Variants in ANK2 observed in about 807,000 individuals in gnomAD.
ANK2 encodes the protein ankyrin 2.
Under a neutral mutation model 360.5 loss-of-function variants are expected in ANK2, and 83 were observed. That is an observed-to-expected ratio of 0.23 (90% CI 0.19 to 0.28). The LOEUF (loss-of-function observed/expected upper bound fraction) is 0.28. Among genes scored for constraint, ANK2 ranks in the 10% least tolerant of loss-of-function variants. ANK2 has a pLI of 1.00. For synonymous variants in ANK2, 1,740 were observed against 1,759.5 expected (o/e 0.99, Z 0.28); for missense variants, 4,201 against 4,795.7 (o/e 0.88, Z 3.66).
chr4:113,289,999 C>T (rs79523447), intron 20 of ANK2, among the ~76,000 whole-genome samples: 2 of 152,082 alleles, frequency 1.3e-5, no homozygotes, highest in Non-Finnish European at 2.9e-5. Context: ...GTTGGCAGGG[C>T]TTGAAAATGC....
Position 113,287,613 on chromosome 4 carries a change from C to T in ANK2, c.2088C>T (p.Leu696=). 2 of 1,609,288 alleles carry T rather than the reference C, an allele frequency of 1.2e-6. No individual in the cohort carries two copies. The highest frequency in any genetic ancestry group is 8.5e-7 in the Non-Finnish European group (1 of 1,175,740). Residue 696 remains leucine, a synonymous_variant, in exon 19 of 46, where the codon CTC becomes CTT. Transcript: ENST00000357077. ...ANIHMSTKSG[L]TSLHLAAQED... is the part of the protein sequence containing the mutation. ...TTCCATTCTTTCTGTAGAGTGGACT[C>T]ACATCCTTACACCTTGCAGCCCAGG... is the stretch of plus-strand genomic sequence containing the variant.
upstream of ANK2, among the ~76,000 whole-genome samples, chr4:113,048,476 C>T (rs1257011995): frequency 1.4e-5 from 2 of 145,090 alleles, no homozygotes; most frequent in African/African-American, 2.5e-5. Context: ...GGTTTCATCA[C>T]GTTGGCCAGG....
At chr4:113,246,374 C>A (rs1479405384) in intron 9 of ANK2, among the ~76,000 whole-genome samples, 1 of 152,108 alleles carries the variant, frequency 6.6e-6, no homozygotes. Context: ...GAGGCATTTT[C>A]CATCTTGTTG....
Position 113,330,304 on chromosome 4 carries a change from A to G in ANK2, c.2959A>G (p.Asn987Asp). The G allele has an allele frequency of 6.2e-7, 1 of 1,614,234 alleles. No homozygotes were observed. Among genetic ancestry groups the G allele is most frequent in the Non-Finnish European group, 8.5e-7 (1 of 1,180,038 alleles). ...TGGTGCTATGCGAGGATGCAGACAC[A>G]ATGGGCTCCGAATCATTATTCCACC... ...RGGAMRGCRH[N>D]GLRIIIPPRK... The change falls in exon 27 of 46, where the codon AAT becomes GAT. Residue 987 changes from asparagine to aspartate, a missense_variant. Physicochemically the swap from Asn to Asp is conservative, Grantham distance 23. Transcript: ENST00000357077.
chr4:113,312,278 A>AG (rs2080430080), intron 24 of ANK2, among the ~76,000 whole-genome samples: 1 of 150,052 alleles, frequency 6.7e-6, no homozygotes, highest in East Asian at 2.0e-4. Flanking sequence ...CTCTTGAGAC[A>AG]GAAAAAAAAA....
At chr4:112,911,270 G>C (rs2087233776) in intron 2 of ANK2, among the ~76,000 whole-genome samples, 1 of 150,428 alleles carries the variant, frequency 6.6e-6, no homozygotes, top group Admixed American at 6.6e-5. Flanking sequence ...CACTTTGGGA[G>C]GCCGAGGCGG....
chr4:112,854,867 A>G (rs574127610), intron 1 of ANK2, among the ~76,000 whole-genome samples: 3 of 152,102 alleles, frequency 2.0e-5, no homozygotes, highest in Non-Finnish European at 4.4e-5. Context: ...GGAGGAATGG[A>G]GTAGAATGGG....
Position 112,861,870 on chromosome 4 carries a change from ACT to A in ANK2, c.-39-42581_-39-42580del, listed in dbSNP as rs932660176. On this transcript the variant is annotated intron_variant, in intron 1 of 30. Coordinates refer to the ANK2 transcript ENST00000503271. ...GAGAGAGAGAGAGAGAGAGAGAGAA[ACT>A]CTCACAGTTTATGCGAGAGTCACAG... Among the ~76,000 whole-genome samples the A allele has an allele frequency of 1.8e-4, 28 of 151,886 alleles. 1 individual carries two copies. The highest frequency in any genetic ancestry group is 1.3e-3 in the South Asian group (6 of 4,800).
chr4:112,745,236 A>G, the ANK2 span, among the ~76,000 whole-genome samples: 1 of 152,216 alleles, frequency 6.6e-6, no homozygotes, highest in Non-Finnish European at 1.5e-5. Flanking sequence ...AAACACATCA[A>G]ACATAAATTC....
At chr4:113,350,635 T>C in intron 37 of ANK2, 1 of 221,282 alleles carries the variant, frequency 4.5e-6, no homozygotes, top group Non-Finnish European at 9.1e-6. Flanking sequence ...AATGCAATAG[T>C]GACTTCTGTA....
chr4:113,171,598 C>G (rs2097954144), intron 1 of ANK2, among the ~76,000 whole-genome samples: 1 of 152,154 alleles, frequency 6.6e-6, no homozygotes, highest in African/African-American at 2.4e-5. Context: ...TCCTATGACT[C>G]AACTGCTGAA....
At chr4:113,011,061 T>G (rs1365368000) in intron 2 of ANK2, among the ~76,000 whole-genome samples, 1 of 152,254 alleles carries the variant, frequency 6.6e-6, no homozygotes, top group East Asian at 1.9e-4. Flanking sequence ...AAAGTTTTGC[T>G]GCTAAATAAG....
chr4:112,876,172 T>C (rs17045091), intron 1 of ANK2, among the ~76,000 whole-genome samples: 2,262 of 152,266 alleles, frequency 0.015, 53 homozygotes, highest in African/African-American at 0.052. Flanking sequence ...GTTTGTAGTT[T>C]GAACAAATAG....
intron 1 of ANK2, among the ~76,000 whole-genome samples, chr4:112,842,733 C>T (rs865883577): frequency 1.3e-5 from 2 of 152,214 alleles, no homozygotes; most frequent in African/African-American, 4.8e-5. Context: ...GGCCCGCTTC[C>T]TGTTGGGCCG....
intron 1 of ANK2, among the ~76,000 whole-genome samples, chr4:113,076,319 C>T (rs2079948175): frequency 6.6e-6 from 1 of 152,226 alleles, no homozygotes; most frequent in African/African-American, 2.4e-5. Flanking sequence ...GTTGGACAAA[C>T]TTGCTAAGGC....
intron 2 of ANK2, among the ~76,000 whole-genome samples, chr4:113,196,090 C>CATTTAA (rs1193514297): frequency 6.6e-6 from 1 of 152,134 alleles, no homozygotes; most frequent in Admixed American, 6.6e-5. Context: ...CTCTTTAAGT[C>CATTTAA]ATTTAAAAAA....
chr4:113,197,067 C>A (rs575314176), intron 3 of ANK2, among the ~76,000 whole-genome samples: 1 of 152,156 alleles, frequency 6.6e-6, no homozygotes, highest in Non-Finnish European at 1.5e-5. Context: ...TGTTTTCCTA[C>A]GGTTAACTCA....
intron 2 of ANK2, among the ~76,000 whole-genome samples, chr4:113,032,198 G>A (rs2060567533): frequency 6.6e-6 from 1 of 152,068 alleles, no homozygotes; most frequent in South Asian, 2.1e-4. Context: ...TAAATCATAA[G>A]CTTGTTTGTT....
intron 9 of ANK2, among the ~76,000 whole-genome samples, chr4:113,247,018 A>C (rs2153590945): frequency 7.7e-6 from 1 of 130,328 alleles, no homozygotes; most frequent in South Asian, 3.0e-4. Context: ...TGTTGAAAGA[A>C]TGACCTAAGC....
Sources: gnomAD v4.1 joint callset for allele counts (sites outside exome capture counted in the v4.1 genomes callset) on GRCh38, gnomAD v4.1.1 for gene constraint, MANE v1.5 for transcripts, NCBI Gene and HGNC (gene_info 2026-07-23, HGNC 2026-07-21) for gene names.